Variants in CUL3 observed in about 807,000 individuals in gnomAD.
CUL3 encodes cullin 3, also known as cullin-3.
In CUL3, 19 loss-of-function variants were observed where a neutral mutation model predicts 89.1. That is an observed-to-expected ratio of 0.21 (90% CI 0.15 to 0.31). CUL3 has a LOEUF of 0.31. Among genes scored for constraint, CUL3 ranks in the 10% least tolerant of loss-of-function variants. CUL3 has a pLI of 1.00. For missense variants in CUL3, 469 were observed against 942.3 expected (o/e 0.50, Z 6.58); for synonymous variants, 351 against 308.4 (o/e 1.14, Z -1.45).
chr2:224,554,456 C>A (rs575752515), intron 2 of CUL3, among the ~76,000 whole-genome samples: 22 of 152,256 alleles, frequency 1.4e-4, no homozygotes, highest in Non-Finnish European at 1.2e-4. Flanking sequence ...TTTCAGCATA[C>A]TACAACTTGA....
At chr2:224,478,163 T>C (rs757848494) in intron 15 of CUL3, 37 bp downstream of exon 15, 4 of 1,525,390 alleles carry the variant, frequency 2.6e-6, no homozygotes, top group Non-Finnish European at 2.6e-6. Context: ...AATGTTACTG[T>C]TTTTTCTATA....
At chr2:224,554,171 T>A (rs934935972) in intron 2 of CUL3, among the ~76,000 whole-genome samples, 2 of 152,168 alleles carry the variant, frequency 1.3e-5, no homozygotes, top group African/African-American at 2.4e-5. Context: ...TTAAAAAAAC[T>A]GACATAGCAC....
intron 3 of CUL3, among the ~76,000 whole-genome samples, chr2:224,528,456 C>T (rs11688397): frequency 0.29 from 43,624 of 152,046 alleles, 6,556 homozygotes; most frequent in Middle Eastern, 0.41. Context: ...AACATAATCA[C>T]ATCTGCAAAG....
intron 1 of CUL3, among the ~76,000 whole-genome samples, chr2:224,576,363 C>A (rs946893272): frequency 6.6e-6 from 1 of 152,132 alleles, no homozygotes; most frequent in African/African-American, 2.4e-5. Context: ...AATTCAGGGT[C>A]ACTGACAATT....
intron 2 of CUL3, among the ~76,000 whole-genome samples, 170 bp downstream of exon 2, chr2:224,557,489 A>G (rs1230566813): frequency 6.7e-6 from 1 of 149,002 alleles, no homozygotes. Flanking sequence ...CAAATTTTCG[A>G]TTTAGCTGAT....
intron 1 of CUL3, among the ~76,000 whole-genome samples, chr2:224,558,424 C>T (rs936421085): frequency 1.6e-4 from 25 of 152,294 alleles, no homozygotes; most frequent in Admixed American, 1.4e-3. Flanking sequence ...ATTATGACTG[C>T]TTCCTATTCC....
intron 13 of CUL3, among the ~76,000 whole-genome samples, chr2:224,490,894 ACCC>A (rs996609864): frequency 6.6e-6 from 1 of 152,096 alleles, no homozygotes; most frequent in Non-Finnish European, 1.5e-5. Context: ...TAAGATGGAT[ACCC>A]CATTTACCCT....
At chr2:224,569,738 TTAAAAC>T in intron 1 of CUL3, 1 of 1,220,354 alleles carries the variant, frequency 8.2e-7, no homozygotes, top group South Asian at 1.4e-5. Flanking sequence ...ATGAGACAAA[TTAAAAC>T]TAAATGAAAA....
chr2:224,528,466 G>A (rs1355667229), intron 3 of CUL3, among the ~76,000 whole-genome samples: 1 of 152,142 alleles, frequency 6.6e-6, no homozygotes, highest in Non-Finnish European at 1.5e-5. Flanking sequence ...CATCTGCAAA[G>A]TCCCTTTTGC....
rs1691072609 is a variant in CUL3, at chr2:224,470,203, TAA to T, written c.*4040_*4041del. 9.8e-6 allele frequency: 2 copies of T among 204,594 alleles called. No individual in the cohort carries two copies. 12.7% of individuals were successfully genotyped at this position (204,594 alleles called of 1,614,324 possible). ...ACATTGCAATAAATCTTGTATGCAA[TAA>T]AGTTTATTAGTTGAACTGTCCTGTT... On this transcript the variant is annotated 3_prime_UTR_variant, in exon 16 of 16. Transcript: ENST00000264414.
chr2:224,492,280 T>C (rs2106172071), intron 13 of CUL3, among the ~76,000 whole-genome samples: 1 of 152,326 alleles, frequency 6.6e-6, no homozygotes, highest in Middle Eastern at 3.4e-3. Flanking sequence ...TTGTAAGGAA[T>C]TTCCATGATT....
At chr2:224,508,770 T>C (rs1247476296) in intron 6 of CUL3, among the ~76,000 whole-genome samples, 1 of 152,016 alleles carries the variant, frequency 6.6e-6, no homozygotes, top group East Asian at 1.9e-4. Context: ...CCACCCTGGC[T>C]AACACGGTGA....
At chr2:224,554,695 G>C (rs1694638852) in intron 2 of CUL3, among the ~76,000 whole-genome samples, 2 of 152,148 alleles carry the variant, frequency 1.3e-5, no homozygotes, top group South Asian at 4.1e-4. Context: ...CTAGAACTGG[G>C]CCTAGCACAC....
chr2:224,512,933 A>C (rs1489319304), intron 5 of CUL3, among the ~76,000 whole-genome samples: 1 of 152,082 alleles, frequency 6.6e-6, no homozygotes, highest in African/African-American at 2.4e-5. Flanking sequence ...TTCCTCCCCT[A>C]CCACCTTAGA....
In CUL3 at chr2:224,474,275, C is replaced by T. The variant is rs1377650521; in HGVS notation, c.2277G>A (p.Glu759=). The T allele has an allele frequency of 6.2e-7, 1 of 1,613,890 alleles. No individual in the cohort carries two copies. The highest frequency in any genetic ancestry group is 1.1e-5 in the South Asian group (1 of 91,044). ...CTACATATGTGTATACTTTGCGATCCTCAGGTGTTCGTGCCAAATATTCTC... is the reference window on the plus strand; with the variant it reads ...CTACATATGTGTATACTTTGCGATCTTCAGGTGTTCGTGCCAAATATTCTC... ...IEREYLARTP[E]DRKVYTYVA The change falls in exon 16 of 16, where the codon GAG becomes GAA. Residue 759 remains glutamate, a synonymous_variant. Transcript: ENST00000264414.
chr2:224,528,313 C>T (rs1196225728), intron 3 of CUL3, among the ~76,000 whole-genome samples: 1 of 152,106 alleles, frequency 6.6e-6, no homozygotes, highest in African/African-American at 2.4e-5. Context: ...TTTCAAAGTC[C>T]ATCACTCCAG....
chr2:224,505,395 C>T (rs1435733687), intron 8 of CUL3, among the ~76,000 whole-genome samples: 1 of 152,104 alleles, frequency 6.6e-6, no homozygotes, highest in African/African-American at 2.4e-5. Flanking sequence ...CCTCGGCCTC[C>T]CAAAGTGCTG....
chr2:224,503,891 A>C (rs2106198102), intron 8 of CUL3, 69 bp from the exon 9 acceptor site: 1 of 1,182,646 alleles, frequency 8.5e-7, no homozygotes, highest in Non-Finnish European at 1.1e-6. Flanking sequence ...CGGTTCATTT[A>C]CAGCTTAAAA....
chr2:224,525,616 G>C (rs1337355511), intron 3 of CUL3, among the ~76,000 whole-genome samples: 1 of 152,142 alleles, frequency 6.6e-6, no homozygotes, highest in Non-Finnish European at 1.5e-5. Flanking sequence ...ATAATGATAA[G>C]ATAATAATAT....
Sources: gnomAD v4.1 joint callset for allele counts (sites outside exome capture counted in the v4.1 genomes callset) on GRCh38, gnomAD v4.1.1 for gene constraint, MANE v1.5 for transcripts, NCBI Gene and HGNC (gene_info 2026-07-23, HGNC 2026-07-21) for gene names.